LRRC7: variants seen among roughly 807,000 people sequenced by gnomAD.
LRRC7 encodes leucine-rich repeat-containing protein 7.
In LRRC7, 23 loss-of-function variants were observed where a neutral mutation model predicts 175.7. The ratio of observed to expected loss-of-function variants is 0.13; its 90% CI spans 0.09 to 0.19. LRRC7 has a LOEUF of 0.19. Ranked by LOEUF, LRRC7 falls within the 10% of genes least tolerant of loss-of-function variation. The pLI, the probability that LRRC7 is intolerant of heterozygous loss-of-function variation, is 1.00. For missense variants in LRRC7, 1,354 were observed against 1,904.7 expected (o/e 0.71, Z 5.38); for synonymous variants, 685 against 680.9 (o/e 1.01, Z -0.09).
chr1:69,949,984 T>TTA lies in LRRC7; in HGVS notation c.711+18415_711+18416insAT, dbSNP rs148933894. On this transcript the variant is annotated intron_variant, in intron 8 of 26. Transcript: ENST00000651989. ...TTCTATGCATTTATGGCCTCTTTAT[T>TTA]TTTTTTCCTTTTCTGTCCACTAGCA... Among the ~76,000 whole-genome samples the TTA allele has an allele frequency of 3.3e-3, 498 of 151,718 alleles. 1 individual carries two copies. Among genetic ancestry groups the TTA allele is most frequent in the African/African-American group, 0.011 (450 of 41,246 alleles).
intron 7 of LRRC7, among the ~76,000 whole-genome samples, chr1:69,870,655 C>CT (rs1050560699): frequency 3.3e-5 from 5 of 152,146 alleles, no homozygotes; most frequent in Middle Eastern, 6.8e-3. Context: ...AATTCCTTCT[C>CT]TTTTTTTGTA....
chr1:70,093,958 C>T (rs1045685737), intron 25 of LRRC7, among the ~76,000 whole-genome samples: 1 of 152,162 alleles, frequency 6.6e-6, no homozygotes, highest in African/African-American at 2.4e-5. Flanking sequence ...ACCCAGGACT[C>T]TGCAAATGAG....
intron 8 of LRRC7, among the ~76,000 whole-genome samples, chr1:69,939,597 G>A (rs1570737899): frequency 6.6e-6 from 1 of 152,202 alleles, no homozygotes; most frequent in Middle Eastern, 3.4e-3. Context: ...AGAAGAGTTA[G>A]CTCACAGCTG....
intron 7 of LRRC7, among the ~76,000 whole-genome samples, chr1:69,871,168 G>A (rs1334952753): frequency 6.6e-6 from 1 of 152,012 alleles, no homozygotes; most frequent in Non-Finnish European, 1.5e-5. Flanking sequence ...TGATCACCTT[G>A]ATGTTTAAAG....
intron 4 of LRRC7, among the ~76,000 whole-genome samples, chr1:69,824,357 T>A (rs1306357348): frequency 6.6e-6 from 1 of 152,220 alleles, no homozygotes; most frequent in South Asian, 2.1e-4. Flanking sequence ...TGCCTTTTTT[T>A]AGTGACTATT....
chr1:69,792,324 A>G (rs985449116), intron 4 of LRRC7, among the ~76,000 whole-genome samples, 164 bp downstream of exon 4: 5 of 152,096 alleles, frequency 3.3e-5, no homozygotes, highest in African/African-American at 9.6e-5. Context: ...AGTCCAAGAC[A>G]GACGTCCTGT....
chr1:69,593,674 G>A (rs1557450863), intron 1 of LRRC7, among the ~76,000 whole-genome samples: 1 of 152,084 alleles, frequency 6.6e-6, no homozygotes, highest in Non-Finnish European at 1.5e-5. Flanking sequence ...TTCTCATTCA[G>A]TATTCTTTTA....
chr1:69,738,836 G>T (rs903608282), intron 2 of LRRC7, among the ~76,000 whole-genome samples: 3 of 151,996 alleles, frequency 2.0e-5, no homozygotes, highest in African/African-American at 7.2e-5. Flanking sequence ...AAAAACTTAA[G>T]TGGACCCTGG....
chr1:69,733,767 G>A, intron 2 of LRRC7, among the ~76,000 whole-genome samples: 1 of 151,928 alleles, frequency 6.6e-6, no homozygotes, highest in East Asian at 1.9e-4. Context: ...CAGTGCCTTT[G>A]CTAAAAATGT....
chr1:70,039,064 G>A lies in LRRC7; in HGVS notation c.3240G>A (p.Val1080=), dbSNP rs1234070865. 6.2e-7 allele frequency: 1 copy of A among 1,613,942 alleles called. No homozygotes were observed. The highest frequency in any genetic ancestry group is 1.3e-5 in the African/African-American group (1 of 74,920). ...TCAATCCTCAAGGATCAGTGGAAGT[G>A]AAAGCCGAAAAGAGGATACCACCCC... ...QSFNPQGSVE[V]KAEKRIPPPF... is the part of the protein sequence containing the mutation. Residue 1080 remains valine (V), a synonymous_variant, in exon 21 of 27, where the codon GTG becomes GTA. Coordinates refer to ENST00000651989, the MANE Select transcript of LRRC7 (RefSeq NM_001370785.2).
At chr1:70,069,919 A>G (rs1662256305) in intron 23 of LRRC7, among the ~76,000 whole-genome samples, 1 of 151,862 alleles carries the variant, frequency 6.6e-6, no homozygotes, top group Non-Finnish European at 1.5e-5. Context: ...TTGATTTGTT[A>G]TTGTATTTTT....
chr1:69,820,547 T>C (rs928254780), intron 4 of LRRC7, among the ~76,000 whole-genome samples: 17 of 152,122 alleles, frequency 1.1e-4, no homozygotes, highest in African/African-American at 3.9e-4. Flanking sequence ...GTGTGTGATG[T>C]TCCCCTCCCT....
chr1:69,894,948 C>T (rs531947700), intron 7 of LRRC7, among the ~76,000 whole-genome samples: 9 of 152,176 alleles, frequency 5.9e-5, no homozygotes, highest in East Asian at 1.9e-4. Flanking sequence ...AAATTTAGGC[C>T]GGGGGGCGTG....
chr1:69,706,024 ACT>A (rs1246275069), intron 2 of LRRC7, among the ~76,000 whole-genome samples: 1 of 151,528 alleles, frequency 6.6e-6, no homozygotes, highest in Non-Finnish European at 1.5e-5. Flanking sequence ...ACAGGATGCA[ACT>A]CTCTTCTTTT....
intron 1 of LRRC7, among the ~76,000 whole-genome samples, chr1:69,599,893 G>T (rs1557461587): frequency 6.6e-6 from 1 of 152,024 alleles, no homozygotes; most frequent in Non-Finnish European, 1.5e-5. Flanking sequence ...TTGAAAGGAG[G>T]TCTGCAAAAA....
intron 3 of LRRC7, among the ~76,000 whole-genome samples, chr1:69,768,388 T>C (rs754618611): frequency 9.2e-5 from 14 of 152,244 alleles, no homozygotes; most frequent in Non-Finnish European, 1.8e-4. Flanking sequence ...AGATCTCTGC[T>C]CAAACATCAC....
intron 4 of LRRC7, among the ~76,000 whole-genome samples, chr1:69,811,591 T>TA (rs1180747060): frequency 6.6e-6 from 1 of 152,014 alleles, no homozygotes; most frequent in African/African-American, 2.4e-5. Flanking sequence ...TATGCATCCA[T>TA]AAAAAAGGAT....
chr1:69,928,738 C>T (rs1647175754), intron 7 of LRRC7, among the ~76,000 whole-genome samples: 2 of 152,214 alleles, frequency 1.3e-5, no homozygotes, highest in South Asian at 2.1e-4. Context: ...GGAAAGGGAA[C>T]TCCTTGACCC....
rs1557641110 is a variant in LRRC7 at position 69,717,826 on chromosome 1, GAAA to G, written c.100+39349_100+39351del. 8.3e-3 allele frequency among the ~76,000 whole-genome samples: 210 copies of G among 25,292 alleles called. 11 individuals carry two copies. The highest frequency in any genetic ancestry group is 0.029 in the African/African-American group (123 of 4,246). The allele number at this position is 25,292 out of a possible 152,430, so 16.6% of individuals were successfully genotyped here. A position where few individuals can be genotyped will look rare whatever the true frequency, so the allele number is the denominator to read the frequency against. On this transcript the variant is annotated intron_variant, in intron 2 of 26. Coordinates refer to ENST00000651989, the MANE Select transcript of LRRC7 (RefSeq NM_001370785.2). ...AGAAAGAAAGAAAGAAAGAAAGAAAGAAAGAAAGAAAGAAAAAAGAAAGAAAGG... is the reference window on the plus strand; with the variant it reads ...AGAAAGAAAGAAAGAAAGAAAGAAAGGAAAGAAAGAAAAAAGAAAGAAAGG...
Sources: gnomAD v4.1 joint callset for allele counts (sites outside exome capture counted in the v4.1 genomes callset) on GRCh38, gnomAD v4.1.1 for gene constraint, MANE v1.5 for transcripts, NCBI Gene and HGNC (gene_info 2026-07-23, HGNC 2026-07-21) for gene names.